The following DENND11 variants were observed in gnomAD, a reference collection of about 807,000 sequenced individuals.
The protein encoded by DENND11 is DENN domain containing 11, also known as DENN domain-containing protein 11.
A neutral mutation model predicts 49.2 loss-of-function variants in DENND11; 34 were observed. That is an observed-to-expected ratio of 0.69 (90% CI 0.53 to 0.92). DENND11 has a LOEUF of 0.92. Ranked by LOEUF, DENND11 falls within the 40% of genes least tolerant of loss-of-function variation. The pLI is 0.00. For missense variants in DENND11, 475 were observed against 581.6 expected, an observed-to-expected ratio of 0.82 and a Z score of 1.88; for synonymous variants, 238 against 230.3, an observed-to-expected ratio of 1.03 and a Z score of -0.30.
At chr7:141,690,322 T>G (rs763664583) in intron 1 of DENND11, among the ~76,000 whole-genome samples, 15 of 152,228 alleles carry the variant, frequency 9.9e-5, no homozygotes, top group Non-Finnish European at 1.6e-4. Flanking sequence ...TCACCAAAGC[T>G]GGATACAGTA....
At position 141,701,882 on chromosome 7, in the gene DENND11, T is replaced by C; in HGVS notation, c.268+4A>G. 1 of 1,191,546 alleles carries C rather than the reference T, an allele frequency of 8.4e-7. No individual in the cohort carries two copies. Among genetic ancestry groups the C allele is most frequent in the Non-Finnish European group, 1.0e-6 (1 of 963,008 alleles). The allele number at this position is 1,191,546 out of a possible 1,614,324, so 73.8% of individuals were successfully genotyped here. ...CACGCGCCTGGCCCCGGCGCGGCCC[T>C]CACCCGAGCGGGGGTCGAAGGTGAC... is the stretch of plus-strand genomic sequence containing the variant. On this transcript the variant is annotated splice_donor_region_variant and intron_variant, in intron 1 of 8. Coordinates refer to ENST00000536163, the MANE Select transcript of DENND11 (RefSeq NM_001080392.2).
intron 7 of DENND11, 122 bp downstream of exon 7, chr7:141,664,782 C>A: frequency 8.8e-7 from 1 of 1,137,656 alleles, no homozygotes; most frequent in South Asian, 1.6e-5. Context: ...CCATCCCAGG[C>A]AGCATGGAGA....
At chr7:141,669,656 GATATAT>G (rs907266079) in intron 4 of DENND11, among the ~76,000 whole-genome samples, 2 of 150,342 alleles carry the variant, frequency 1.3e-5, no homozygotes, top group East Asian at 3.9e-4. Context: ...AAAGCTTAAA[GATATAT>G]ATATATTATT....
At chr7:141,680,399 G>C (rs1798130864) in intron 3 of DENND11, among the ~76,000 whole-genome samples, 1 of 152,042 alleles carries the variant, frequency 6.6e-6, no homozygotes, top group Admixed American at 6.6e-5. Flanking sequence ...CATGAGAAAT[G>C]AACTGTGATT....
At chr7:141,678,471 C>G (rs1798102004) in intron 3 of DENND11, among the ~76,000 whole-genome samples, 1 of 152,018 alleles carries the variant, frequency 6.6e-6, no homozygotes, top group South Asian at 2.1e-4. Flanking sequence ...TCATTTTAAA[C>G]TTTTCACTAT....
At chr7:141,685,759 A>G (rs1798230240) in intron 2 of DENND11, 123 bp from the exon 3 acceptor site, 3 of 1,043,812 alleles carry the variant, frequency 2.9e-6, no homozygotes, top group Non-Finnish European at 4.2e-6. Flanking sequence ...TCAAGAAAAC[A>G]AGCGGGCCAA....
chr7:141,674,218 T>A lies in DENND11; in HGVS notation c.530A>T (p.His177Leu). Reference sequence around the variant, plus strand: ...GTAATGTCCTGGCATCTCCAACTGGTGCCTGCAGAAAAACACACACACACA... The same window carrying A: ...GTAATGTCCTGGCATCTCCAACTGGAGCCTGCAGAAAAACACACACACACA... ...YMHFLENQVR[H>L]QLEMPGHYSH... Residue 177 changes from histidine (H) to leucine (L), a missense_variant and splice_region_variant, in exon 4 of 9, where the codon CAC (histidine) becomes CTC (leucine). Coordinates refer to ENST00000536163, the MANE Select transcript of DENND11 (RefSeq NM_001080392.2). 6.5e-7 allele frequency: 1 copy of A among 1,534,702 alleles called. No homozygotes were observed. The highest frequency in any genetic ancestry group is 8.7e-7 in the Non-Finnish European group (1 of 1,142,918).
chr7:141,687,384 AG>A (rs1173757929), intron 1 of DENND11, among the ~76,000 whole-genome samples: 3 of 152,152 alleles, frequency 2.0e-5, no homozygotes, highest in Non-Finnish European at 4.4e-5. Flanking sequence ...ATTAGATTCC[AG>A]AGAGAAATGA....
At chr7:141,698,404 A>T (rs757130293) in intron 1 of DENND11, among the ~76,000 whole-genome samples, 1 of 152,216 alleles carries the variant, frequency 6.6e-6, no homozygotes, top group Non-Finnish European at 1.5e-5. Flanking sequence ...CAGCTTGCAG[A>T]GTTAGCATCT....
At chr7:141,669,809 AT>A (rs72053527) in intron 4 of DENND11, among the ~76,000 whole-genome samples, 378 of 116,254 alleles carry the variant, frequency 3.3e-3, no homozygotes, top group Admixed American at 5.8e-3. Context: ...CATACATGCT[AT>A]TTTTTTTTTT....
chr7:141,680,111 A>G (rs1798126393), intron 3 of DENND11, among the ~76,000 whole-genome samples: 1 of 152,210 alleles, frequency 6.6e-6, no homozygotes, highest in South Asian at 2.1e-4. Flanking sequence ...ATGATATTCA[A>G]TGCAGCATCA....
At chr7:141,697,424 A>G (rs1218432383) in intron 1 of DENND11, among the ~76,000 whole-genome samples, 1 of 152,230 alleles carries the variant, frequency 6.6e-6, no homozygotes, top group Non-Finnish European at 1.5e-5. Flanking sequence ...ATGAACCACA[A>G]TTGTATTCCA....
chr7:141,677,585 A>C (rs565512096), intron 3 of DENND11, among the ~76,000 whole-genome samples: 81 of 150,286 alleles, frequency 5.4e-4, no homozygotes, highest in Non-Finnish European at 1.0e-3. Flanking sequence ...CAAATGCAGA[A>C]AACTAAGCAC....
chr7:141,673,616 A>C (rs536216497), intron 4 of DENND11, among the ~76,000 whole-genome samples: 8 of 152,218 alleles, frequency 5.3e-5, no homozygotes, highest in African/African-American at 1.9e-4. Flanking sequence ...CCAACACCTA[A>C]CGCTTTGCTG....
intron 4 of DENND11, among the ~76,000 whole-genome samples, chr7:141,673,557 G>C (rs1430657421): frequency 6.6e-6 from 1 of 152,228 alleles, no homozygotes; most frequent in Non-Finnish European, 1.5e-5. Flanking sequence ...AGGAGACAGA[G>C]AGGGAAGAGA....
At chr7:141,691,669 G>A (rs980146543) in intron 1 of DENND11, among the ~76,000 whole-genome samples, 1 of 152,176 alleles carries the variant, frequency 6.6e-6, no homozygotes. Flanking sequence ...CAGGGCACAG[G>A]CTCCAGAACA....
At position 141,674,199 on chromosome 7, in the gene DENND11, T is replaced by G; in HGVS notation, c.549A>C (p.Gly183=). ...AGAAGGCAGCCAGATGAGAGTAATG[T>G]CCTGGCATCTCCAACTGGTGCCTGC... The part of the protein sequence containing the change: ...NQVRHQLEMP[G]HYSHLAAFYE... The change falls in exon 4 of 9, where the codon GGA becomes GGC. Residue 183 remains glycine, a synonymous_variant. Coordinates refer to ENST00000536163, the MANE Select transcript of DENND11 (RefSeq NM_001080392.2). 6.5e-7 allele frequency: 1 copy of G among 1,547,016 alleles called. No homozygotes were observed. The highest frequency in any genetic ancestry group is 2.5e-5 in the East Asian group (1 of 40,748).
chr7:141,675,313 C>A (rs1228368829), intron 3 of DENND11, among the ~76,000 whole-genome samples: 1 of 152,200 alleles, frequency 6.6e-6, no homozygotes, highest in Non-Finnish European at 1.5e-5. Context: ...GGAACTCACA[C>A]TGCTGAGACC....
Position 141,657,981 on chromosome 7 carries a change from T to G in DENND11, c.*4675A>C, listed in dbSNP as rs1216824783. ...TTTACTGAAGGTTGGTATTTTTATG[T>G]CAACCTTCCTAGGACTGTCAAGTCT... On this transcript the variant is annotated 3_prime_UTR_variant, in exon 9 of 9. Coordinates refer to ENST00000536163, the MANE Select transcript of DENND11 (RefSeq NM_001080392.2). 1 of 152,556 alleles carries G rather than the reference T, an allele frequency of 6.6e-6. No homozygotes were observed. The highest frequency in any genetic ancestry group is 1.5e-5 in the Non-Finnish European group (1 of 68,050). 9.5% of individuals were successfully genotyped at this position (152,556 alleles called of 1,614,324 possible).
Sources: allele counts gnomAD v4.1 joint callset (sites outside exome capture counted in the v4.1 genomes callset), GRCh38; gene constraint gnomAD v4.1.1; transcripts MANE v1.5; gene names NCBI Gene and HGNC (gene_info 2026-07-23, HGNC 2026-07-21).